The following MAN1A1 variants were observed in gnomAD, a reference collection of about 807,000 sequenced individuals.
MAN1A1 encodes the protein mannosidase alpha class 1A member 1, also known as mannosyl-oligosaccharide 1,2-alpha-mannosidase IA.
A neutral mutation model predicts 70.8 loss-of-function variants in MAN1A1; 29 were observed. That is an observed-to-expected ratio of 0.41 (90% CI 0.31 to 0.56). The LOEUF is 0.56. Ranked by LOEUF, MAN1A1 falls within the 20% of genes least tolerant of loss-of-function variation. MAN1A1 has a pLI of 0.29. For synonymous variants in MAN1A1, 349 were observed against 330.1 expected, an observed-to-expected ratio of 1.06 and a Z score of -0.62; for missense variants, 747 against 841.3, an observed-to-expected ratio of 0.89 and a Z score of 1.39.
chr6:119,268,730 G>T (rs1490484854), intron 5 of MAN1A1, among the ~76,000 whole-genome samples: 1 of 152,028 alleles, frequency 6.6e-6, no homozygotes. Flanking sequence ...GGGAGTACAG[G>T]CATGTGCCAC....
chr6:119,258,206 T>C (rs1175541569), intron 5 of MAN1A1, among the ~76,000 whole-genome samples: 1 of 152,064 alleles, frequency 6.6e-6, no homozygotes, highest in Non-Finnish European at 1.5e-5. Context: ...ACATCAGAAA[T>C]CATTAAAATA....
At chr6:119,324,554 C>T (rs541802913) in intron 2 of MAN1A1, among the ~76,000 whole-genome samples, 7 of 152,244 alleles carry the variant, frequency 4.6e-5, no homozygotes, top group Non-Finnish European at 4.4e-5. Flanking sequence ...AATGAGAACT[C>T]CCATTCAATG....
chr6:119,328,465 C>T (rs1345235103), intron 2 of MAN1A1, among the ~76,000 whole-genome samples: 1 of 152,220 alleles, frequency 6.6e-6, no homozygotes, highest in African/African-American at 2.4e-5. Context: ...GCCACAAGCT[C>T]TCTCATCTCA....
intron 5 of MAN1A1, among the ~76,000 whole-genome samples, chr6:119,252,814 T>C (rs1775359539): frequency 6.6e-6 from 1 of 151,676 alleles, no homozygotes; most frequent in African/African-American, 2.4e-5. Flanking sequence ...AAAAAATAAG[T>C]TTTGCAAAGG....
At chr6:119,228,825 G>A (rs1774593509) in intron 6 of MAN1A1, among the ~76,000 whole-genome samples, 1 of 152,012 alleles carries the variant, frequency 6.6e-6, no homozygotes. Flanking sequence ...TAAAAAGTGT[G>A]GGCCCTTATA....
chr6:119,257,457 C>T (rs149871716), intron 5 of MAN1A1, among the ~76,000 whole-genome samples: 1 of 152,182 alleles, frequency 6.6e-6, no homozygotes, highest in East Asian at 1.9e-4. Context: ...CAGTAGCTCT[C>T]ATTGGTTATG....
rs143888509 is a variant in MAN1A1, at chr6:119,252,638, A to G, written c.898-4284T>C. On this transcript the variant is annotated intron_variant, in intron 5 of 12. Transcript: ENST00000368468. ...GAAACCCCGTCTCTACTAAAAATACAAAAATTAGCTGGGCGTGGTGGTACA... is the reference window on the plus strand; with the variant it reads ...GAAACCCCGTCTCTACTAAAAATACGAAAATTAGCTGGGCGTGGTGGTACA... 5.9e-3 allele frequency among the ~76,000 whole-genome samples: 897 copies of G among 152,178 alleles called. 8 individuals are homozygous for G. The highest frequency in any genetic ancestry group is 0.021 in the African/African-American group (852 of 41,504).
intron 6 of MAN1A1, 23 bp downstream of exon 6, chr6:119,248,237 T>C (rs1379118655): frequency 1.4e-6 from 2 of 1,456,068 alleles, no homozygotes; most frequent in African/African-American, 1.4e-5. Flanking sequence ...TTAAAACATG[T>C]TGTTGAAAAT....
chr6:119,340,106 A>C (rs576494461), intron 2 of MAN1A1, among the ~76,000 whole-genome samples: 190 of 152,256 alleles, frequency 1.2e-3, no homozygotes, highest in African/African-American at 4.3e-3. Context: ...CAAAAACAAA[A>C]CAAAAACAGT....
intron 5 of MAN1A1, among the ~76,000 whole-genome samples, chr6:119,277,760 A>T (rs1776109963): frequency 1.3e-5 from 2 of 151,352 alleles, no homozygotes; most frequent in South Asian, 2.1e-4. Context: ...CACGGGGAAA[A>T]CCCGTCTCTA....
chr6:119,346,325 T>C (rs1169780440), intron 2 of MAN1A1, among the ~76,000 whole-genome samples: 1 of 152,212 alleles, frequency 6.6e-6, no homozygotes, highest in African/African-American at 2.4e-5. Context: ...TTTTTTTTTC[T>C]TTTGGTTTAC....
chr6:119,283,960 A>G (rs1197884669), intron 5 of MAN1A1, among the ~76,000 whole-genome samples: 1 of 152,138 alleles, frequency 6.6e-6, no homozygotes, highest in African/African-American at 2.4e-5. Flanking sequence ...TTGGATGAAC[A>G]TTACTGTCGG....
intron 6 of MAN1A1, among the ~76,000 whole-genome samples, chr6:119,207,340 G>C (rs182063825): frequency 3.3e-5 from 5 of 152,164 alleles, no homozygotes; most frequent in African/African-American, 1.2e-4. Context: ...AGAATATAAA[G>C]TATGTTCATA....
At chr6:119,194,818 A>T (rs1007113877) in intron 8 of MAN1A1, among the ~76,000 whole-genome samples, 1 of 66,318 alleles carries the variant, frequency 1.5e-5, no homozygotes, top group Non-Finnish European at 4.9e-5. Flanking sequence ...CAACTGTAGG[A>T]TAGGTATCTT....
At chr6:119,313,224 T>C (rs1371993279) in intron 2 of MAN1A1, among the ~76,000 whole-genome samples, 1 of 152,204 alleles carries the variant, frequency 6.6e-6, no homozygotes, top group African/African-American at 2.4e-5. Context: ...GCCTGGAGTC[T>C]ACCACAATTA....
At chr6:119,294,174 A>C (rs1772133224) in intron 4 of MAN1A1, among the ~76,000 whole-genome samples, 1 of 152,042 alleles carries the variant, frequency 6.6e-6, no homozygotes, top group Non-Finnish European at 1.5e-5. Context: ...AAGTTGACCA[A>C]CTTCCTTTGG....
At chr6:119,342,542 C>T (rs1183424057) in intron 2 of MAN1A1, among the ~76,000 whole-genome samples, 5 of 152,296 alleles carry the variant, frequency 3.3e-5, no homozygotes, top group African/African-American at 1.2e-4. Flanking sequence ...AAGTAATTTG[C>T]AGACGGTCAC....
intron 8 of MAN1A1, among the ~76,000 whole-genome samples, chr6:119,200,514 G>C (rs1020651129): frequency 6.6e-6 from 1 of 152,156 alleles, no homozygotes; most frequent in African/African-American, 2.4e-5. Flanking sequence ...ACCCAAATTA[G>C]AGTAAAATCT....
intron 11 of MAN1A1, among the ~76,000 whole-genome samples, chr6:119,181,202 T>C (rs1347371166): frequency 6.6e-5 from 10 of 152,194 alleles, no homozygotes; most frequent in Non-Finnish European, 1.5e-4. Flanking sequence ...CCAAGCCTGA[T>C]ATTGTCTGGC....
Sources: allele counts gnomAD v4.1 joint callset (sites outside exome capture counted in the v4.1 genomes callset), GRCh38; gene constraint gnomAD v4.1.1; transcripts MANE v1.5; gene names NCBI Gene and HGNC (gene_info 2026-07-23, HGNC 2026-07-21).